Variants in PRMT2 observed in about 807,000 individuals in gnomAD.
PRMT2 encodes the protein protein arginine N-methyltransferase 2.
Under a neutral mutation model 57.6 loss-of-function variants are expected in PRMT2, and 26 were observed. That is an observed-to-expected ratio of 0.45 (90% CI 0.33 to 0.63). The LOEUF is 0.63. Ranked by LOEUF, PRMT2 falls within the 20% of genes least tolerant of loss-of-function variation. The probability of loss-of-function intolerance (pLI) is 0.02; values close to 1 mark genes in which losing one functional copy is unlikely to be tolerated. For missense variants in PRMT2, 472 were observed against 564.4 expected (o/e 0.84, Z 1.66); for synonymous variants, 219 against 220.0 (o/e 1.00, Z 0.04).
At chr21:46,662,827 G>A (rs2061651084) in intron 10 of PRMT2, among the ~76,000 whole-genome samples, 1 of 152,176 alleles carries the variant, frequency 6.6e-6, no homozygotes, top group Non-Finnish European at 1.5e-5. Flanking sequence ...CCCCCCAAAT[G>A]TGACAGTTGT....
intron 3 of PRMT2, among the ~76,000 whole-genome samples, chr21:46,641,616 G>A (rs971562835): frequency 7.2e-5 from 11 of 151,866 alleles, no homozygotes; most frequent in African/African-American, 2.7e-4. Context: ...TGCTTGAACT[G>A]GGGAGGTGGA....
At chr21:46,661,000 C>T in intron 9 of PRMT2, 38 bp downstream of exon 9, 2 of 1,593,992 alleles carry the variant, frequency 1.3e-6, no homozygotes, top group Non-Finnish European at 1.7e-6. Context: ...ATTCGATAAT[C>T]AGTGACCACG....
intron 7 of PRMT2, chr21:46,653,661 G>A: frequency 8.0e-7 from 1 of 1,249,384 alleles, no homozygotes; most frequent in African/African-American, 1.6e-5. Context: ...TGCATTCCCT[G>A]GAGCTCATGT....
intron 7 of PRMT2, chr21:46,652,608 G>A (rs1234776222): frequency 3.0e-6 from 3 of 985,274 alleles, no homozygotes; most frequent in Admixed American, 1.2e-4. Flanking sequence ...AGGTTGTGGG[G>A]AAGTGTGCAC....
At chr21:46,652,670 A>G in intron 7 of PRMT2, 1 of 985,390 alleles carries the variant, frequency 1.0e-6, no homozygotes, top group Non-Finnish European at 1.2e-6. Flanking sequence ...TTGAAGGAAA[A>G]TAGGGCAGAA....
At chr21:46,653,418 A>C in intron 7 of PRMT2, 1 of 992,030 alleles carries the variant, frequency 1.0e-6, no homozygotes, top group Admixed American at 6.0e-5. Flanking sequence ...ATGATGGGAC[A>C]GCTCCCCCTC....
Position 46,649,768 on chromosome 21 carries a change from G to A in PRMT2, c.654+29G>A, listed in dbSNP as rs753038713. 12 of 1,601,858 alleles carry A rather than the reference G, an allele frequency of 7.5e-6. No individual in the cohort carries two copies. The highest frequency in any genetic ancestry group is 9.4e-6 in the Non-Finnish European group (11 of 1,174,216). On this transcript the variant is annotated intron_variant, in intron 7 of 11. Transcript: ENST00000355680. This position sits in a 1 kb window ranked among gnomAD's most constrained non-coding sequence, Gnocchi z 4.8. ...AGGGCGGGCGTGCGGGCAGCTGGGG[G>A]CCGGAGCTGGGGGGCTTCTGAGCAC...
At chr21:46,660,092 TA>T in intron 8 of PRMT2, 1 of 971,926 alleles carries the variant, frequency 1.0e-6, no homozygotes, top group Non-Finnish European at 1.2e-6. Context: ...ATCAGAAAAA[TA>T]AATGTGTAAA....
At chr21:46,652,720 G>T in intron 7 of PRMT2, 1 of 1,121,464 alleles carries the variant, frequency 8.9e-7, no homozygotes, top group Non-Finnish European at 1.1e-6. Flanking sequence ...TTTTCCAGAA[G>T]CAGCAAAGTT....
At chr21:46,659,945 C>A (rs1036293413) in intron 8 of PRMT2, 2 of 984,992 alleles carry the variant, frequency 2.0e-6, no homozygotes, top group African/African-American at 3.5e-5. Context: ...TGGATGTTTG[C>A]TTGCATAAAT....
chr21:46,645,144 G>A (rs1381234191), intron 5 of PRMT2, among the ~76,000 whole-genome samples: 2 of 143,290 alleles, frequency 1.4e-5, no homozygotes, highest in African/African-American at 2.6e-5. Flanking sequence ...GTGCACGCCT[G>A]TAGTCCCAGC....
At position 46,658,768 on chromosome 21, in the gene PRMT2, C is replaced by T. The variant is rs2061576207; in HGVS notation, c.678C>T (p.Ile226=). Residue 226 remains isoleucine, a synonymous_variant, in exon 8 of 12, where the codon ATC becomes ATT. Transcript: ENST00000355680. The part of the protein sequence containing the change: ...CLLFEFMIES[I]LYARDAWLKE... The stretch of plus-strand genomic sequence containing the variant: ...AGTTTGAGTTCATGATCGAGTCCAT[C>T]CTGTATGCCCGGGATGCCTGGCTGA... 2.5e-6 allele frequency: 4 copies of T among 1,614,072 alleles called. No homozygotes were observed. Among genetic ancestry groups the T allele is most frequent in the Non-Finnish European group, 3.4e-6 (4 of 1,180,034 alleles).
intron 8 of PRMT2, chr21:46,659,974 CTG>C (rs779088647): frequency 1.0e-6 from 1 of 983,182 alleles, no homozygotes; most frequent in Admixed American, 6.2e-5. Flanking sequence ...ATAAATATGT[CTG>C]GGGGATAAAA....
chr21:46,649,870 A>G lies in PRMT2; in HGVS notation c.654+131A>G, dbSNP rs1333055618. 6.7e-7 allele frequency: 1 copy of G among 1,499,532 alleles called. No individual in the cohort carries two copies. The highest frequency in any genetic ancestry group is 1.4e-5 in the African/African-American group (1 of 71,874). The allele number at this position is 1,499,532 out of a possible 1,614,324, so 92.9% of individuals were successfully genotyped here. A position where few individuals can be genotyped will look rare whatever the true frequency, so the allele number is the denominator to read the frequency against. On this transcript the variant is annotated intron_variant, in intron 7 of 11. Transcript: ENST00000355680. The surrounding 1 kb of genome is among the most constrained non-coding windows in gnomAD (Gnocchi z 4.8). ...TGATGTTTTCCCTAATGTGAGGTCT[A>G]ATTAATTTCTTGTGTGGACATTGGC...
chr21:46,653,126 A>G, intron 7 of PRMT2: 1 of 985,474 alleles, frequency 1.0e-6, no homozygotes, highest in Non-Finnish European at 1.2e-6. Context: ...AGGAAGAATA[A>G]AGAATTTGGA....
intron 9 of PRMT2, chr21:46,661,301 G>A (rs539192612): frequency 5.5e-6 from 1 of 182,650 alleles, no homozygotes; most frequent in African/African-American, 2.4e-5. Context: ...TTTTTTTCAA[G>A]TATTTTAAGC....
At chr21:46,642,059 G>A (rs1440345923) in intron 3 of PRMT2, among the ~76,000 whole-genome samples, 1 of 152,190 alleles carries the variant, frequency 6.6e-6, no homozygotes, top group Non-Finnish European at 1.5e-5. Context: ...AAAGTGATTG[G>A]TATCTATTGA....
rs189792404 is a variant in PRMT2 at position 46,636,879 on chromosome 21, T to C, written c.-56-17T>C. 1.0e-3 allele frequency: 1,533 copies of C among 1,498,382 alleles called. 3 individuals carry two copies. The highest frequency in any genetic ancestry group is 1.2e-3 in the Non-Finnish European group (1,366 of 1,093,876). 92.8% of individuals were successfully genotyped at this position (1,498,382 alleles called of 1,614,324 possible). ...ATGTAACAAGTACTTTGTGTCTCCT[T>C]CTCTTTTTAAAAGTAGAAATGGAAA... is the stretch of plus-strand genomic sequence containing the variant. On this transcript the variant is annotated splice_polypyrimidine_tract_variant and intron_variant, in intron 2 of 11. Coordinates refer to ENST00000355680, the MANE Select transcript of PRMT2 (RefSeq NM_206962.4).
chr21:46,641,741 G>A (rs554541307), intron 3 of PRMT2, among the ~76,000 whole-genome samples: 1 of 151,920 alleles, frequency 6.6e-6, no homozygotes, highest in African/African-American at 2.4e-5. Context: ...GTGTGTGTGT[G>A]TGTGTGTATA....
Sources: gnomAD v4.1 joint callset for allele counts (sites outside exome capture counted in the v4.1 genomes callset) on GRCh38, gnomAD v4.1.1 for gene constraint, Gnocchi (gnomAD v3.1) non-coding constraint, MANE v1.5 for transcripts, NCBI Gene and HGNC (gene_info 2026-07-23, HGNC 2026-07-21) for gene names.